Variants in CSMD2 observed in about 807,000 individuals in gnomAD.
The protein encoded by CSMD2 is CUB and Sushi multiple domains 2, also known as CUB and sushi domain-containing protein 2.
Under a neutral mutation model 398.5 loss-of-function variants are expected in CSMD2, and 130 were observed. The observed-to-expected ratio is 0.33, with a 90% CI of 0.28 to 0.38. The LOEUF is 0.38. CSMD2 is among the 10% of genes least tolerant of loss of function. CSMD2 has a pLI of 1.00. For missense variants in CSMD2, 3,829 were observed against 4,764.9 expected (o/e 0.80, Z 5.78); for synonymous variants, 1,828 against 1,908.5 (o/e 0.96, Z 1.10).
intron 3 of CSMD2, among the ~76,000 whole-genome samples, chr1:34,002,090 TG>T (rs1051206763): frequency 6.6e-6 from 1 of 152,000 alleles, no homozygotes; most frequent in African/African-American, 2.4e-5. Context: ...AATAAAATGG[TG>T]GGTATGTAGC....
intron 25 of CSMD2, among the ~76,000 whole-genome samples, chr1:33,683,479 G>C (rs1018756084): frequency 4.6e-5 from 7 of 152,154 alleles, no homozygotes; most frequent in African/African-American, 1.4e-4. Context: ...TACTGGTTCA[G>C]TGTGGTCAAC....
intron 3 of CSMD2, among the ~76,000 whole-genome samples, chr1:33,960,941 C>T (rs1027589477): frequency 2.6e-5 from 4 of 152,232 alleles, no homozygotes; most frequent in Non-Finnish European, 4.4e-5. Context: ...ATCTCCCATC[C>T]TTTTCCTGAT....
At chr1:33,914,108 A>T (rs1643600509) in intron 5 of CSMD2, among the ~76,000 whole-genome samples, 1 of 152,112 alleles carries the variant, frequency 6.6e-6, no homozygotes, top group South Asian at 2.1e-4. Context: ...CAAAGGTGAG[A>T]GTGTTTTCTT....
intron 5 of CSMD2, among the ~76,000 whole-genome samples, chr1:33,860,206 C>T (rs1007574160): frequency 6.6e-6 from 1 of 152,164 alleles, no homozygotes; most frequent in Non-Finnish European, 1.5e-5. Flanking sequence ...TTGCATTTGT[C>T]CTGTCTTCTT....
Position 33,625,099 on chromosome 1 carries a change from C to A in CSMD2, c.5452G>T (p.Val1818Leu), listed in dbSNP as rs1051266891. The change falls in exon 34 of 71, where the codon GTG becomes TTG. Residue 1818 changes from valine to leucine, a missense_variant. Physicochemically the swap from Val to Leu is conservative, Grantham distance 32. Transcript: ENST00000373381. Reference protein sequence around the residue: ...QGSPEIECLPVPGALAQWNVS... With the variant: ...QGSPEIECLPLPGALAQWNVS... ...TTCCATTGGGCCAAGGCCCCAGGCA[C>A]AGGGAGGCACTCGATCTCTGGCGAC... 1.9e-6 allele frequency: 3 copies of A among 1,613,968 alleles called. No homozygotes were observed.
chr1:33,822,604 T>A (rs1658285610), intron 7 of CSMD2, among the ~76,000 whole-genome samples: 1 of 152,064 alleles, frequency 6.6e-6, no homozygotes, highest in Non-Finnish European at 1.5e-5. Context: ...AGCTTTCACA[T>A]CCTGAGCCGT....
At chr1:33,860,046 T>G (rs1461027307) in intron 5 of CSMD2, among the ~76,000 whole-genome samples, 1 of 152,198 alleles carries the variant, frequency 6.6e-6, no homozygotes, top group East Asian at 1.9e-4. Context: ...AATGTTGGCA[T>G]CTTACATAAC....
intron 25 of CSMD2, among the ~76,000 whole-genome samples, chr1:33,679,487 A>AC (rs1307960289): frequency 6.6e-6 from 1 of 152,180 alleles, no homozygotes; most frequent in Admixed American, 6.5e-5. Context: ...GGCGTGAGCC[A>AC]CTGCGCCCAG....
intron 2 of CSMD2, among the ~76,000 whole-genome samples, chr1:34,041,733 G>T (rs578084362): frequency 4.6e-5 from 7 of 152,102 alleles, no homozygotes; most frequent in Admixed American, 2.0e-4. Context: ...CAAGGCAAAG[G>T]ATAAGAACTG....
chr1:33,536,927 G>T, intron 62 of CSMD2, 95 bp downstream of exon 62: 2 of 1,204,146 alleles, frequency 1.7e-6, no homozygotes, highest in East Asian at 4.7e-5. Flanking sequence ...TCCTCCCTGA[G>T]TGCTGTCCTG....
At chr1:34,070,420 A>G (rs1054448506) in intron 2 of CSMD2, among the ~76,000 whole-genome samples, 1 of 152,226 alleles carries the variant, frequency 6.6e-6, no homozygotes, top group Non-Finnish European at 1.5e-5. Context: ...GCACTGGCTC[A>G]GAGCAGGGAG....
At chr1:34,006,845 A>C (rs1647072632) in intron 3 of CSMD2, among the ~76,000 whole-genome samples, 1 of 152,030 alleles carries the variant, frequency 6.6e-6, no homozygotes, top group East Asian at 1.9e-4. Flanking sequence ...CCAAGACAGT[A>C]AAGGCCCCCA....
At chr1:33,706,765 AGT>A (rs138885180) in intron 22 of CSMD2, among the ~76,000 whole-genome samples, 3 of 150,854 alleles carry the variant, frequency 2.0e-5, no homozygotes, top group East Asian at 1.9e-4. Flanking sequence ...GGTGCTAAAG[AGT>A]GTGTGTGTGT....
intron 9 of CSMD2, among the ~76,000 whole-genome samples, chr1:33,813,723 G>C (rs1235566266): frequency 6.6e-6 from 1 of 151,942 alleles, no homozygotes; most frequent in Non-Finnish European, 1.5e-5. Context: ...AACTGCTCCG[G>C]GTGCAAGTGC....
intron 3 of CSMD2, among the ~76,000 whole-genome samples, chr1:33,955,020 G>A (rs1475553453): frequency 6.6e-6 from 1 of 152,190 alleles, no homozygotes; most frequent in Non-Finnish European, 1.5e-5. Context: ...TTTAAAAGGA[G>A]GAGGAGGTCA....
At chr1:33,611,767 A>G (rs1416517582) in intron 40 of CSMD2, among the ~76,000 whole-genome samples, 1 of 152,228 alleles carries the variant, frequency 6.6e-6, no homozygotes, top group East Asian at 1.9e-4. Flanking sequence ...TTGGGATCTT[A>G]GTGAGTTAAT....
chr1:33,854,706 C>A (rs946554623), intron 5 of CSMD2, among the ~76,000 whole-genome samples: 7 of 152,356 alleles, frequency 4.6e-5, no homozygotes, highest in African/African-American at 1.7e-4. Flanking sequence ...ATAAACTCAA[C>A]AAATTATCAG....
intron 3 of CSMD2, among the ~76,000 whole-genome samples, chr1:34,027,835 T>C (rs981766292): frequency 6.6e-6 from 1 of 151,378 alleles, no homozygotes; most frequent in Non-Finnish European, 1.5e-5. Context: ...GAACTGAGGC[T>C]AGACCTGGGC....
In CSMD2 at chr1:33,625,367, T is replaced by C. The variant is rs559813663; in HGVS notation, c.5297-113A>G. 3.1e-5 allele frequency: 32 copies of C among 1,026,132 alleles called. No homozygotes were observed. The South Asian group carries it at 3.7e-4, about 12-fold the overall frequency. The allele number at this position is 1,026,132 out of a possible 1,614,324, so 63.6% of individuals were successfully genotyped here. On this transcript the variant is annotated intron_variant, in intron 33 of 70. Transcript: ENST00000373381. ...GTCTGGATGAAACCCTGGGAGGCTC[T>C]GGATGCTCTCCCGTAGGGAAGGGCT... is the stretch of plus-strand genomic sequence containing the variant.
Sources: allele counts gnomAD v4.1 joint callset (sites outside exome capture counted in the v4.1 genomes callset), GRCh38; gene constraint gnomAD v4.1.1; transcripts MANE v1.5; gene names NCBI Gene and HGNC (gene_info 2026-07-23, HGNC 2026-07-21).